The following C1orf105 variants were observed in gnomAD, a reference collection of about 807,000 sequenced individuals.
C1orf105 encodes uncharacterized protein C1orf105.
In C1orf105, 17 loss-of-function variants were observed where a neutral mutation model predicts 20.8. The observed-to-expected ratio is 0.82, with a 90% CI of 0.56 to 1.23. The LOEUF is 1.23. Among genes scored for constraint, C1orf105 ranks in the 50% most tolerant of loss-of-function variants. C1orf105 has a pLI of 0.00. For missense variants in C1orf105, 219 were observed against 213.5 expected (o/e 1.03, Z -0.16); for synonymous variants, 72 against 72.1 (o/e 1.00, Z 0.01).
intron 1 of C1orf105, among the ~76,000 whole-genome samples, chr1:172,438,061 G>C (rs2149165906): frequency 6.6e-6 from 1 of 152,154 alleles, no homozygotes; most frequent in South Asian, 2.1e-4. Flanking sequence ...AGCATGGATA[G>C]CAGCACATCT....
At chr1:172,450,870 A>C (rs1648553892) in intron 3 of C1orf105, among the ~76,000 whole-genome samples, 1 of 152,214 alleles carries the variant, frequency 6.6e-6, no homozygotes, top group Non-Finnish European at 1.5e-5. Flanking sequence ...GATGAGGGAC[A>C]AAAAACACAA....
At chr1:172,441,828 AC>A in intron 1 of C1orf105, 21 of 1,613,994 alleles carry the variant, frequency 1.3e-5, no homozygotes, top group Non-Finnish European at 1.8e-5. Flanking sequence ...GGTAGAATGG[AC>A]ACAGACATGA....
chr1:172,441,474 T>A (rs2149168573), intron 1 of C1orf105: 1 of 318,412 alleles, frequency 3.1e-6, no homozygotes, highest in African/African-American at 2.1e-5. Context: ...GTTATTTTTT[T>A]AATAGAAACC....
intron 1 of C1orf105, among the ~76,000 whole-genome samples, chr1:172,423,431 G>A (rs945032724): frequency 1.3e-5 from 2 of 152,182 alleles, no homozygotes; most frequent in African/African-American, 4.8e-5. Context: ...TACTGGGCTT[G>A]GGGTACCCCT....
Position 172,456,501 on chromosome 1 carries a change from G to A in C1orf105, c.273+12G>A, listed in dbSNP as rs1420719595. ...AAGAAATGAAAATGGTAGGCAAGGGGGAAGACAGAAATGGGCACAGGCATC... is the reference window on the plus strand; with the variant it reads ...AAGAAATGAAAATGGTAGGCAAGGGAGAAGACAGAAATGGGCACAGGCATC... On this transcript the variant is annotated intron_variant, in intron 4 of 6. Coordinates refer to ENST00000367727, the MANE Select transcript of C1orf105 (RefSeq NM_139240.4). The A allele has an allele frequency of 6.2e-7, 1 of 1,611,666 alleles. No individual in the cohort carries two copies.
chr1:172,430,358 T>G (rs746720181), intron 1 of C1orf105: 1 of 698,480 alleles, frequency 1.4e-6, no homozygotes, highest in Non-Finnish European at 2.6e-6. Context: ...ATCCTTCTGA[T>G]GGCAGCAGTT....
intron 1 of C1orf105, among the ~76,000 whole-genome samples, chr1:172,421,704 G>A (rs985568043): frequency 6.6e-6 from 1 of 152,220 alleles, no homozygotes; most frequent in Non-Finnish European, 1.5e-5. Context: ...ATCACAAAGT[G>A]ATCACAGTAC....
intron 4 of C1orf105, among the ~76,000 whole-genome samples, chr1:172,458,037 G>T (rs1476683391): frequency 6.6e-6 from 1 of 152,090 alleles, no homozygotes; most frequent in Non-Finnish European, 1.5e-5. Flanking sequence ...AAATACTGGG[G>T]AATATATAAA....
chr1:172,427,815 T>C (rs2071761777), intron 1 of C1orf105, among the ~76,000 whole-genome samples: 1 of 152,244 alleles, frequency 6.6e-6, no homozygotes, highest in African/African-American at 2.4e-5. Context: ...GGTCCTTTTC[T>C]GTCTATAACC....
chr1:172,427,717 A>T (rs575148002), intron 1 of C1orf105, among the ~76,000 whole-genome samples: 2 of 152,290 alleles, frequency 1.3e-5, no homozygotes, highest in East Asian at 3.9e-4. Context: ...AGGACACAGA[A>T]TTCTCTTGCT....
chr1:172,425,928 T>G (rs2071710924), intron 1 of C1orf105, among the ~76,000 whole-genome samples: 1 of 143,742 alleles, frequency 7.0e-6, no homozygotes, highest in African/African-American at 2.5e-5. Context: ...TTACACTTAC[T>G]GGAACTTATG....
At chr1:172,451,648 T>A (rs1648647393) in intron 3 of C1orf105, among the ~76,000 whole-genome samples, 1 of 152,178 alleles carries the variant, frequency 6.6e-6, no homozygotes, top group African/African-American at 2.4e-5. Flanking sequence ...GTAATAAAAA[T>A]CAAATTTAAT....
At chr1:172,422,363 A>C (rs1573818329) in intron 1 of C1orf105, among the ~76,000 whole-genome samples, 1 of 152,196 alleles carries the variant, frequency 6.6e-6, no homozygotes, top group Admixed American at 6.5e-5. Context: ...CTTGGATGAC[A>C]TTTCTAGATA....
intron 4 of C1orf105, among the ~76,000 whole-genome samples, chr1:172,460,406 G>A (rs1032945967): frequency 7.9e-5 from 11 of 139,470 alleles, no homozygotes; most frequent in East Asian, 4.4e-4. Context: ...TTTTATCTAG[G>A]CTGTGTTTCA....
At chr1:172,467,778 C>T (rs189030653) in intron 6 of C1orf105, among the ~76,000 whole-genome samples, 14 of 152,264 alleles carry the variant, frequency 9.2e-5, no homozygotes, top group African/African-American at 1.2e-4. Flanking sequence ...AGTCACTCAG[C>T]GATTCCCAAT....
rs1323693833 is a variant in C1orf105 at position 172,431,076 on chromosome 1, A to G, written c.21+10170A>G. On this transcript the variant is annotated intron_variant, in intron 1 of 6. Coordinates refer to ENST00000367727, the MANE Select transcript of C1orf105 (RefSeq NM_139240.4). ...GGGCCTCCCTATTTCCTGAGACACA[A>G]CAGTATCAAAATTAAGCCAATTAAT... 6.0e-6 allele frequency: 4 copies of G among 662,112 alleles called. No homozygotes were observed. In the Admixed American group the frequency reaches 9.0e-5, roughly 15 times the overall value. 41.0% of individuals were successfully genotyped at this position (662,112 alleles called of 1,614,324 possible).
intron 1 of C1orf105, among the ~76,000 whole-genome samples, chr1:172,438,419 G>C (rs762269987): frequency 6.6e-6 from 1 of 152,158 alleles, no homozygotes; most frequent in East Asian, 1.9e-4. Context: ...TGAGAGGTTC[G>C]AGACTTCAGC....
At chr1:172,454,002 C>A (rs1648955967) in intron 3 of C1orf105, among the ~76,000 whole-genome samples, 1 of 152,192 alleles carries the variant, frequency 6.6e-6, no homozygotes, top group Non-Finnish European at 1.5e-5. Flanking sequence ...CTAGCAAGAT[C>A]TTGCAATGCA....
intron 1 of C1orf105, among the ~76,000 whole-genome samples, chr1:172,422,508 G>A (rs958694342): frequency 1.2e-4 from 19 of 152,108 alleles, no homozygotes; most frequent in African/African-American, 4.6e-4. Context: ...GTGGGCCTCA[G>A]CTGAAACTCC....
Sources: gnomAD v4.1 joint callset for allele counts (sites outside exome capture counted in the v4.1 genomes callset) on GRCh38, gnomAD v4.1.1 for gene constraint, MANE v1.5 for transcripts, NCBI Gene and HGNC (gene_info 2026-07-23, HGNC 2026-07-21) for gene names.